OTUD7A: variants seen among roughly 807,000 people sequenced by gnomAD.
OTUD7A encodes the protein OTU domain-containing protein 7A.
In OTUD7A, 12 loss-of-function variants were observed where a neutral mutation model predicts 65.7. That is an observed-to-expected ratio of 0.18 (90% confidence interval 0.12 to 0.30). OTUD7A has a LOEUF of 0.30. Among genes scored for constraint, OTUD7A ranks in the 10% least tolerant of loss-of-function variants. OTUD7A has a pLI of 1.00. For synonymous variants in OTUD7A, 641 were observed against 586.3 expected, an observed-to-expected ratio of 1.09 and a Z score of -1.35; for missense variants, 1,148 against 1,304.8, an observed-to-expected ratio of 0.88 and a Z score of 1.85.
intron 3 of OTUD7A, among the ~76,000 whole-genome samples, chr15:31,631,979 TA>T (rs1254898252): frequency 3.3e-5 from 5 of 152,222 alleles, no homozygotes; most frequent in African/African-American, 1.2e-4. Flanking sequence ...TTATTCTAGT[TA>T]TCCATTCATC....
rs555707498 is a variant in OTUD7A at position 31,479,004 on chromosome 15, A to C, written c.*4290T>G. The C allele has an allele frequency of 4.6e-5, 7 of 152,422 alleles. No homozygotes were observed. The highest frequency in any genetic ancestry group is 1.7e-4 in the African/African-American group (7 of 41,566). 9.4% of individuals were successfully genotyped at this position (152,422 alleles called of 1,614,324 possible). A position where few individuals can be genotyped will look rare whatever the true frequency, so the allele number is the denominator to read the frequency against. ...GTGGACTTGAATTAAACAAGAACAA[A>C]GCTGAGCGCTGGTCACTGCCCCGGC... On this transcript the variant is annotated 3_prime_UTR_variant, in exon 13 of 13. Coordinates refer to ENST00000307050, the MANE Select transcript of OTUD7A (RefSeq NM_001382637.1).
intron 1 of OTUD7A, among the ~76,000 whole-genome samples, chr15:31,764,025 T>A (rs1895040555): frequency 6.6e-6 from 1 of 152,184 alleles, no homozygotes; most frequent in African/African-American, 2.4e-5. Context: ...GAAAGATATG[T>A]TAATGGAAGT....
intron 5 of OTUD7A, among the ~76,000 whole-genome samples, chr15:31,547,899 C>T (rs1023354165): frequency 1.3e-5 from 2 of 152,168 alleles, no homozygotes; most frequent in Non-Finnish European, 2.9e-5. Flanking sequence ...CTTAAACTAA[C>T]TCTGTTTGCC....
At position 31,844,987 on chromosome 15, in the gene OTUD7A, C is replaced by A. The variant is rs191333898; in HGVS notation, c.-100+25520G>T. On this transcript the variant is annotated intron_variant, in intron 1 of 12. Coordinates refer to ENST00000307050, the MANE Select transcript of OTUD7A (RefSeq NM_001382637.1). Reference sequence around the variant, plus strand: ...GAATTCATGTGGGATACAAGGAAGACCCTGCTACCCCCAGCAAACAGAGAG... The same window carrying A: ...GAATTCATGTGGGATACAAGGAAGAACCTGCTACCCCCAGCAAACAGAGAG... Among the ~76,000 whole-genome samples the A allele has an allele frequency of 8.2e-3, 1,241 of 152,262 alleles. 20 individuals carry two copies. The highest frequency in any genetic ancestry group is 8.8e-3 in the Non-Finnish European group (598 of 68,016).
At chr15:31,844,967 C>T (rs1429292229) in intron 1 of OTUD7A, among the ~76,000 whole-genome samples, 2 of 152,186 alleles carry the variant, frequency 1.3e-5, no homozygotes, top group Non-Finnish European at 2.9e-5. Context: ...CATAAGAATT[C>T]ATGTGGGATA....
chr15:31,686,249 G>A (rs952593089), intron 1 of OTUD7A, among the ~76,000 whole-genome samples: 12 of 152,228 alleles, frequency 7.9e-5, no homozygotes, highest in African/African-American at 2.7e-4. Flanking sequence ...AGCCTCCTGG[G>A]AGTGGGCCTC....
rs139831690 is a variant in OTUD7A at position 31,493,369 on chromosome 15, T to A, written c.1172-5803A>T. Among the ~76,000 whole-genome samples, 626 of 152,252 alleles carry A rather than the reference T, an allele frequency of 4.1e-3. 2 individuals are homozygous for A. Among genetic ancestry groups the A allele is most frequent in the South Asian group, 8.7e-3 (42 of 4,824 alleles). ...CCTATGTGTATGCATGCTAACAACA[T>A]AGCTTCAAAGTACATGAAGCAAATA... On this transcript the variant is annotated intron_variant, in intron 10 of 12. Transcript: ENST00000307050.
chr15:31,776,594 A>G (rs983404038), intron 1 of OTUD7A, among the ~76,000 whole-genome samples: 3 of 152,112 alleles, frequency 2.0e-5, no homozygotes, highest in African/African-American at 7.2e-5. Flanking sequence ...TTCAGTGGAG[A>G]CCTGCCTTCC....
At chr15:31,813,370 A>G (rs761327086) in intron 1 of OTUD7A, among the ~76,000 whole-genome samples, 8 of 152,226 alleles carry the variant, frequency 5.3e-5, no homozygotes, top group Non-Finnish European at 8.8e-5. Context: ...GTAATTATGT[A>G]AAGTGTCTTA....
At chr15:31,671,280 T>C (rs1892478055) in intron 1 of OTUD7A, among the ~76,000 whole-genome samples, 1 of 152,230 alleles carries the variant, frequency 6.6e-6, no homozygotes, top group Non-Finnish European at 1.5e-5. Flanking sequence ...AGTTTCAATT[T>C]TCTGCATATG....
chr15:31,819,269 G>A (rs960452454), intron 1 of OTUD7A, among the ~76,000 whole-genome samples: 10 of 152,138 alleles, frequency 6.6e-5, no homozygotes, highest in Non-Finnish European at 7.4e-5. Flanking sequence ...ATGGCTTAGG[G>A]GGAAAAGTAT....
chr15:31,547,817 C>A (rs1888179986), intron 5 of OTUD7A, among the ~76,000 whole-genome samples: 2 of 152,172 alleles, frequency 1.3e-5, no homozygotes, highest in South Asian at 4.2e-4. Flanking sequence ...GAGATATTAG[C>A]TCTAATCATA....
chr15:31,782,289 G>A (rs1895560628), intron 1 of OTUD7A, among the ~76,000 whole-genome samples: 1 of 152,222 alleles, frequency 6.6e-6, no homozygotes, highest in Non-Finnish European at 1.5e-5. Flanking sequence ...CAGCTGGGAG[G>A]AGCAAATCCC....
At chr15:31,862,481 A>C (rs1381109652) in intron 1 of OTUD7A, among the ~76,000 whole-genome samples, 1 of 152,220 alleles carries the variant, frequency 6.6e-6, no homozygotes, top group Non-Finnish European at 1.5e-5. Context: ...ACAGTTCCAC[A>C]TGGCTGGTGA....
intron 1 of OTUD7A, among the ~76,000 whole-genome samples, chr15:31,686,376 T>G (rs2141312581): frequency 6.6e-6 from 1 of 152,348 alleles, no homozygotes. Flanking sequence ...GGACAGACAT[T>G]CTGCAGGATG....
intron 3 of OTUD7A, among the ~76,000 whole-genome samples, chr15:31,589,511 T>G (rs1425877400): frequency 6.8e-6 from 1 of 148,036 alleles, no homozygotes; most frequent in Non-Finnish European, 1.5e-5. Flanking sequence ...CCATGTTGCC[T>G]AGGCTAGTCT....
At chr15:31,776,309 C>T (rs1275026078) in intron 1 of OTUD7A, among the ~76,000 whole-genome samples, 2 of 152,304 alleles carry the variant, frequency 1.3e-5, no homozygotes, top group African/African-American at 2.4e-5. Context: ...TCGGGCTTTG[C>T]GGGAATGCTC....
intron 1 of OTUD7A, among the ~76,000 whole-genome samples, chr15:31,695,135 G>A (rs778231048): frequency 6.6e-6 from 1 of 152,086 alleles, no homozygotes; most frequent in African/African-American, 2.4e-5. Context: ...GTGAGCCACC[G>A]CCCCGGCCAT....
chr15:31,721,259 T>C (rs1893731982), intron 1 of OTUD7A, among the ~76,000 whole-genome samples: 1 of 152,378 alleles, frequency 6.6e-6, no homozygotes, highest in Non-Finnish European at 1.5e-5. Context: ...TGAATGCTTG[T>C]TGCTTTTGAG....
Sources: gnomAD v4.1 joint callset for allele counts (sites outside exome capture counted in the v4.1 genomes callset) on GRCh38, gnomAD v4.1.1 for gene constraint, MANE v1.5 for transcripts, NCBI Gene and HGNC (gene_info 2026-07-23, HGNC 2026-07-21) for gene names.